CCDC73: variants seen among roughly 807,000 people sequenced by gnomAD.
The protein encoded by CCDC73 is coiled-coil domain-containing protein 73.
Under a neutral mutation model 116.5 loss-of-function variants are expected in CCDC73, and 95 were observed. The observed-to-expected ratio is 0.82, with a 90% CI of 0.69 to 0.97. The LOEUF (loss-of-function observed/expected upper bound fraction) is 0.97, where lower values mean the gene tolerates loss of function less well. CCDC73 is among the 50% of genes least tolerant of loss of function. CCDC73 has a pLI of 0.00. For synonymous variants in CCDC73, 398 were observed against 401.3 expected (o/e 0.99, Z 0.10); for missense variants, 1,066 against 1,206.8 (o/e 0.88, Z 1.73).
At chr11:32,795,826 A>T (rs11031990), upstream of CCDC73, among the ~76,000 whole-genome samples, 69,264 of 150,956 alleles carry the variant, frequency 0.46, 16,359 homozygotes, top group East Asian at 0.84. Flanking sequence ...AGTAGCTGGG[A>T]TTACAGGCGC....
intron 6 of CCDC73, among the ~76,000 whole-genome samples, chr11:32,685,550 G>A (rs1856190171): frequency 6.6e-6 from 1 of 152,154 alleles, no homozygotes; most frequent in Non-Finnish European, 1.5e-5. Context: ...GTGGCTGAAA[G>A]ACAATAAGCA....
intron 2 of CCDC73, chr11:32,758,510 T>A (rs1013327434): frequency 2.2e-5 from 10 of 461,120 alleles, no homozygotes; most frequent in Non-Finnish European, 4.2e-5. Context: ...TGGTTCCATG[T>A]ATGCTAATTG....
At chr11:32,662,051 A>G (rs1467969942) in intron 9 of CCDC73, among the ~76,000 whole-genome samples, 1 of 152,204 alleles carries the variant, frequency 6.6e-6, no homozygotes, top group Admixed American at 6.5e-5. Flanking sequence ...TCCATGGTGT[A>G]TATGTGCCAC....
upstream of CCDC73, among the ~76,000 whole-genome samples, chr11:32,797,026 A>C (rs984468933): frequency 4.0e-5 from 6 of 151,688 alleles, no homozygotes; most frequent in African/African-American, 1.5e-4. Flanking sequence ...AAAAAAAAAA[A>C]AAAAAAAAGT....
upstream of CCDC73, among the ~76,000 whole-genome samples, chr11:32,799,639 G>A (rs185692254): frequency 6.6e-6 from 1 of 152,316 alleles, no homozygotes; most frequent in Non-Finnish European, 1.5e-5. Flanking sequence ...AGTAAAGGGA[G>A]TAAGCATATT....
chr11:32,827,314 C>T, the CCDC73 span, among the ~76,000 whole-genome samples: 1,379 of 152,256 alleles, frequency 9.1e-3, 14 homozygotes, highest in Non-Finnish European at 0.012. Flanking sequence ...CTTGCAGCTC[C>T]GTAGTGACTG....
Position 32,730,187 on chromosome 11 carries a change from C to A in CCDC73, c.136-12040G>T, listed in dbSNP as rs532711717. ...GACAGAAGAATGTTGTGGTAGACCA[C>A]TACTATATAATACAGAAGAGTTACA... is the stretch of plus-strand genomic sequence containing the variant. On this transcript the variant is annotated intron_variant, in intron 2 of 17. Coordinates refer to ENST00000335185, the MANE Select transcript of CCDC73 (RefSeq NM_001008391.4). Among the ~76,000 whole-genome samples, 85 of 152,314 alleles carry A rather than the reference C, an allele frequency of 5.6e-4. No individual in the cohort carries two copies. The South Asian group carries it at 0.016, about 29-fold the overall frequency.
chr11:32,637,199 TAG>T (rs1157149180), intron 13 of CCDC73, among the ~76,000 whole-genome samples: 2 of 151,924 alleles, frequency 1.3e-5, no homozygotes, highest in South Asian at 2.1e-4. Flanking sequence ...TTTGTGTTTT[TAG>T]AGAGTTTCAC....
At chr11:32,726,009 C>T (rs918561194) in intron 2 of CCDC73, among the ~76,000 whole-genome samples, 16 of 152,144 alleles carry the variant, frequency 1.1e-4, no homozygotes, top group African/African-American at 3.6e-4. Flanking sequence ...CTCACAAAGA[C>T]GAAAACAGCT....
chr11:32,609,786 T>G (rs2133216145), intron 17 of CCDC73, among the ~76,000 whole-genome samples: 1 of 152,138 alleles, frequency 6.6e-6, no homozygotes, highest in South Asian at 2.1e-4. Flanking sequence ...AGGCAATTTT[T>G]TTTATTTTTT....
intron 3 of CCDC73, among the ~76,000 whole-genome samples, chr11:32,708,745 T>G (rs946268327): frequency 6.6e-6 from 1 of 152,222 alleles, no homozygotes; most frequent in Admixed American, 6.5e-5. Flanking sequence ...AGCTACTGAT[T>G]TGTGTACATT....
intron 2 of CCDC73, among the ~76,000 whole-genome samples, chr11:32,743,171 A>G (rs1259184445): frequency 6.6e-6 from 1 of 152,154 alleles, no homozygotes; most frequent in East Asian, 1.9e-4. Flanking sequence ...ACTTTAAAGT[A>G]GTTTTTTCCA....
chr11:32,638,995 A>G (rs1855706748), intron 13 of CCDC73, among the ~76,000 whole-genome samples: 1 of 151,432 alleles, frequency 6.6e-6, no homozygotes, highest in African/African-American at 2.4e-5. Flanking sequence ...TAAAGTACAA[A>G]AAGTTAGCCG....
At chr11:32,674,817 A>G (rs2133286502) in intron 9 of CCDC73, among the ~76,000 whole-genome samples, 1 of 152,320 alleles carries the variant, frequency 6.6e-6, no homozygotes, top group South Asian at 2.1e-4. Flanking sequence ...TCAGCTCTAA[A>G]GCTGGAGACA....
rs1160078608 is a variant in CCDC73 at position 32,704,997 on chromosome 11, G to A, written c.208-2053C>T. On this transcript the variant is annotated intron_variant, in intron 3 of 17. Coordinates refer to ENST00000335185, the MANE Select transcript of CCDC73 (RefSeq NM_001008391.4). ...TGGGACAAGAACTCAGAACCCACCA[G>A]ATGGCAGGAGCAAAAGAAGCTGTAA... Among the ~76,000 whole-genome samples the A allele has an allele frequency of 2.6e-5, 4 of 152,218 alleles. No individual in the cohort carries two copies. In the South Asian group the frequency reaches 8.3e-4, roughly 31 times the overall value.
chr11:32,615,404 T>C (rs1467607953), intron 15 of CCDC73, among the ~76,000 whole-genome samples: 2 of 152,150 alleles, frequency 1.3e-5, no homozygotes, highest in Non-Finnish European at 2.9e-5. Flanking sequence ...GGACTGACAA[T>C]CATCACTTTT....
intron 1 of CCDC73, among the ~76,000 whole-genome samples, chr11:32,763,462 G>A (rs1850410438): frequency 1.3e-5 from 2 of 152,200 alleles, no homozygotes; most frequent in African/African-American, 2.4e-5. Context: ...TGCAGCCTCC[G>A]CTGCTGATAC....
chr11:32,636,829 G>T (rs1418476961), intron 13 of CCDC73, among the ~76,000 whole-genome samples: 1 of 151,586 alleles, frequency 6.6e-6, no homozygotes, highest in African/African-American at 2.4e-5. Flanking sequence ...CTCTCCATGT[G>T]TTCTTCATTC....
chr11:32,691,779 T>C (rs1415218143), intron 6 of CCDC73, among the ~76,000 whole-genome samples: 1 of 152,150 alleles, frequency 6.6e-6, no homozygotes, highest in African/African-American at 2.4e-5. Context: ...CCGGGCACAG[T>C]GGCTCACGCC....
Sources: allele counts gnomAD v4.1 joint callset (sites outside exome capture counted in the v4.1 genomes callset), GRCh38; gene constraint gnomAD v4.1.1; transcripts MANE v1.5; gene names NCBI Gene and HGNC (gene_info 2026-07-23, HGNC 2026-07-21).